CHCHD6: variants seen among roughly 807,000 people sequenced by gnomAD.
CHCHD6 encodes the protein coiled-coil-helix-coiled-coil-helix domain containing 6.
Under a neutral mutation model 32.3 loss-of-function variants are expected in CHCHD6, and 28 were observed. The ratio of observed to expected loss-of-function variants is 0.87; its 90% CI spans 0.64 to 1.19. CHCHD6 has a LOEUF of 1.19. Among genes scored for constraint, CHCHD6 ranks in the 50% most tolerant of loss-of-function variants. The pLI is 0.00. For missense variants in CHCHD6, 333 were observed against 307.0 expected (o/e 1.08, Z -0.63); for synonymous variants, 122 against 117.5 (o/e 1.04, Z -0.25).
chr3:126,724,561 T>G (rs1935449715), intron 1 of CHCHD6, among the ~76,000 whole-genome samples: 1 of 152,180 alleles, frequency 6.6e-6, no homozygotes, highest in Non-Finnish European at 1.5e-5. Flanking sequence ...ATCAGGATGG[T>G]GGTTGGCTGT....
At chr3:126,729,199 A>G (rs1369717757) in intron 2 of CHCHD6, among the ~76,000 whole-genome samples, 2 of 152,216 alleles carry the variant, frequency 1.3e-5, no homozygotes, top group Non-Finnish European at 2.9e-5. Context: ...ACAGGAATGG[A>G]TAAGTTAGGG....
At chr3:126,894,243 A>T (rs781689653) in intron 5 of CHCHD6, among the ~76,000 whole-genome samples, 145 of 152,310 alleles carry the variant, frequency 9.5e-4, no homozygotes, top group Non-Finnish European at 9.7e-4. Flanking sequence ...CAAAGAAGTG[A>T]CGTGCTGCCC....
chr3:126,720,988 C>T (rs1342309721), intron 1 of CHCHD6, among the ~76,000 whole-genome samples: 4 of 152,232 alleles, frequency 2.6e-5, no homozygotes, highest in East Asian at 1.9e-4. Context: ...TACAATCAAA[C>T]GGATCTGCTG....
At chr3:126,806,716 A>G (rs1434783631) in intron 4 of CHCHD6, among the ~76,000 whole-genome samples, 3 of 152,186 alleles carry the variant, frequency 2.0e-5, no homozygotes, top group Non-Finnish European at 4.4e-5. Flanking sequence ...CCAAAGGACT[A>G]TAAATCATGC....
At chr3:126,769,212 G>A (rs1937495576) in intron 4 of CHCHD6, among the ~76,000 whole-genome samples, 1 of 152,162 alleles carries the variant, frequency 6.6e-6, no homozygotes, top group Non-Finnish European at 1.5e-5. Context: ...GTATTGTAAG[G>A]TAGGGGTTCA....
intron 4 of CHCHD6, among the ~76,000 whole-genome samples, chr3:126,824,875 G>A (rs998659943): frequency 8.5e-5 from 13 of 152,062 alleles, no homozygotes; most frequent in Middle Eastern, 3.4e-3. Flanking sequence ...CACTGTGCCC[G>A]GCCTGACTTT....
chr3:126,849,955 G>A (rs1236036876), intron 4 of CHCHD6, among the ~76,000 whole-genome samples: 1 of 152,246 alleles, frequency 6.6e-6, no homozygotes, highest in African/African-American at 2.4e-5. Flanking sequence ...AGACTGCGGG[G>A]CAACTGTGTG....
At chr3:126,795,477 A>G (rs1938749945) in intron 4 of CHCHD6, among the ~76,000 whole-genome samples, 2 of 152,206 alleles carry the variant, frequency 1.3e-5, no homozygotes, top group Non-Finnish European at 2.9e-5. Flanking sequence ...AGAATTGGGC[A>G]TAGCAAATGT....
intron 4 of CHCHD6, among the ~76,000 whole-genome samples, chr3:126,820,237 C>T (rs1940090929): frequency 6.6e-6 from 1 of 152,180 alleles, no homozygotes; most frequent in Admixed American, 6.5e-5. Flanking sequence ...TGAGGTATAA[C>T]AGTAAACATG....
chr3:126,923,346 C>T (rs576514295), intron 6 of CHCHD6, among the ~76,000 whole-genome samples: 6 of 152,188 alleles, frequency 3.9e-5, no homozygotes, highest in Non-Finnish European at 8.8e-5. Context: ...AGCATCTTTT[C>T]TGCTTACTGT....
At chr3:126,907,815 A>G (rs1309238889) in intron 5 of CHCHD6, among the ~76,000 whole-genome samples, 1 of 152,196 alleles carries the variant, frequency 6.6e-6, no homozygotes, top group East Asian at 1.9e-4. Context: ...CCTGGGCTGC[A>G]CATTTTTCTA....
rs777529494 is a variant in CHCHD6, at chr3:126,914,737, G to C, written c.553G>C (p.Glu185Gln). 1 of 1,571,158 alleles carries C rather than the reference G, an allele frequency of 6.4e-7. No homozygotes were observed. The highest frequency in any genetic ancestry group is 1.3e-5 in the African/African-American group (1 of 74,212). Residue 185 changes from glutamate (E) to glutamine (Q), a missense_variant, in exon 6 of 8, where the codon GAG becomes CAG. Physicochemically the swap from Glu to Gln is conservative, Grantham distance 29. Coordinates refer to ENST00000290913, the MANE Select transcript of CHCHD6 (RefSeq NM_032343.3). ...EQFHEAASKM[E>Q]STIKPRRVEP... ...ATTCCATGAGGCAGCCTCAAAGATG[G>C]AGAGCACAATAAAGTAAGAATTTGT...
intron 5 of CHCHD6, among the ~76,000 whole-genome samples, chr3:126,855,687 C>G (rs1295368393): frequency 1.3e-5 from 2 of 152,108 alleles, no homozygotes; most frequent in South Asian, 4.1e-4. Context: ...CATGCAATCC[C>G]CAGGTATGTC....
chr3:126,960,254 A>C lies in CHCHD6; in HGVS notation c.*53A>C. The stretch of plus-strand genomic sequence containing the variant: ...AGTGACTTGGAGCCCTGAAGAAGGG[A>C]CCAATCATGGGACCACAGCCACTGT... On this transcript the variant is annotated 3_prime_UTR_variant, in exon 8 of 8. Coordinates refer to ENST00000290913, the MANE Select transcript of CHCHD6 (RefSeq NM_032343.3). 2 of 1,549,218 alleles carry C rather than the reference A, an allele frequency of 1.3e-6. No homozygotes were observed. The highest frequency in any genetic ancestry group is 1.7e-6 in the Non-Finnish European group (2 of 1,145,478).
At chr3:126,723,969 T>G (rs188260424) in intron 1 of CHCHD6, among the ~76,000 whole-genome samples, 32 of 152,364 alleles carry the variant, frequency 2.1e-4, no homozygotes, top group Middle Eastern at 6.8e-3. Context: ...GATCCCCAGC[T>G]TGCTGTTTCA....
intron 5 of CHCHD6, among the ~76,000 whole-genome samples, chr3:126,872,410 G>T (rs561333339): frequency 1.3e-5 from 2 of 152,172 alleles, no homozygotes; most frequent in South Asian, 4.2e-4. Flanking sequence ...CCTATTTGGG[G>T]CAACTTTGTA....
intron 6 of CHCHD6, among the ~76,000 whole-genome samples, chr3:126,954,225 A>G (rs1281105166): frequency 6.6e-6 from 1 of 152,200 alleles, no homozygotes; most frequent in Non-Finnish European, 1.5e-5. Context: ...AGATTTCGCC[A>G]TGGCCCAGTT....
intron 5 of CHCHD6, among the ~76,000 whole-genome samples, chr3:126,902,309 G>C (rs2077940075): frequency 6.6e-6 from 1 of 152,196 alleles, no homozygotes; most frequent in Non-Finnish European, 1.5e-5. Flanking sequence ...CTAGAGTTGA[G>C]GGCCACAGCA....
intron 4 of CHCHD6, among the ~76,000 whole-genome samples, chr3:126,788,167 G>A (rs916988398): frequency 1.3e-4 from 20 of 152,180 alleles, no homozygotes; most frequent in African/African-American, 4.6e-4. Flanking sequence ...GCATCCCAGG[G>A]ATGAAGCCCA....
Sources: allele counts gnomAD v4.1 joint callset (sites outside exome capture counted in the v4.1 genomes callset), GRCh38; gene constraint gnomAD v4.1.1; transcripts MANE v1.5; gene names NCBI Gene and HGNC (gene_info 2026-07-23, HGNC 2026-07-21).